Variants in ERCC8 observed in about 807,000 individuals in gnomAD.
ERCC8 encodes DNA excision repair protein ERCC-8.
A neutral mutation model predicts 54.9 loss-of-function variants in ERCC8; 52 were observed. The observed-to-expected ratio is 0.95, with a 90% CI of 0.76 to 1.19. ERCC8 has a LOEUF of 1.19. Ranked by LOEUF, ERCC8 falls within the 50% of genes most tolerant of loss-of-function variation. The pLI is 0.00. For synonymous variants in ERCC8, 146 were observed against 157.2 expected (o/e 0.93, Z 0.53); for missense variants, 514 against 466.1 (o/e 1.10, Z -0.95).
Position 60,892,734 on chromosome 5 carries a change from C to A in ERCC8, c.844-1648G>T, listed in dbSNP as rs1014849895. The A allele has an allele frequency of 1.0e-5, 7 of 697,092 alleles. No individual in the cohort carries two copies. In the African/African-American group the frequency reaches 1.1e-4, roughly 11 times the overall value. The allele number at this position is 697,092 out of a possible 1,614,324, so 43.2% of individuals were successfully genotyped here. A position where few individuals can be genotyped will look rare whatever the true frequency, so the allele number is the denominator to read the frequency against. On this transcript the variant is annotated intron_variant, in intron 9 of 11. Coordinates refer to ENST00000676185, the MANE Select transcript of ERCC8 (RefSeq NM_000082.4). ...ATGCAGGATGGTGCCCACCTCTGAG[C>A]TGGGCCCTGGAACAATGGCTGGAGC...
intron 11 of ERCC8, among the ~76,000 whole-genome samples, chr5:60,881,811 G>T (rs565227548): frequency 2.6e-5 from 4 of 152,246 alleles, no homozygotes; most frequent in African/African-American, 7.2e-5. Flanking sequence ...TGCTTCCCAG[G>T]TGAGGCGATG....
chr5:60,885,906 TA>T (rs1748377805), intron 11 of ERCC8, among the ~76,000 whole-genome samples: 1 of 152,152 alleles, frequency 6.6e-6, no homozygotes, highest in African/African-American at 2.4e-5. Flanking sequence ...AAACACAGTA[TA>T]TGAAAAATGT....
rs949309197 is a variant in ERCC8 at position 60,892,166 on chromosome 5, T to C, written c.844-1080A>G. 2.9e-5 allele frequency: 15 copies of C among 519,980 alleles called. No homozygotes were observed. In the Middle Eastern group the frequency reaches 1.5e-3, roughly 52 times the overall value. The allele number at this position is 519,980 out of a possible 1,614,324, so 32.2% of individuals were successfully genotyped here. A position where few individuals can be genotyped will look rare whatever the true frequency, so the allele number is the denominator to read the frequency against. On this transcript the variant is annotated intron_variant, in intron 9 of 11. Transcript: ENST00000676185. ...TTTTTTTTTAGGGTGGTGGTCTACA[T>C]TGAGTTTAGCCCACCCCATCTGATG...
intron 4 of ERCC8, among the ~76,000 whole-genome samples, chr5:60,912,414 A>G (rs533860337): frequency 6.6e-6 from 1 of 152,128 alleles, no homozygotes; most frequent in Admixed American, 6.5e-5. Flanking sequence ...GTATATAGGA[A>G]TGCTTGTGAT....
In ERCC8 at chr5:60,916,215, T is replaced by A. The variant is rs1036067812; in HGVS notation, c.399+2050A>T. On this transcript the variant is annotated intron_variant, in intron 4 of 11. Coordinates refer to ENST00000676185, the MANE Select transcript of ERCC8 (RefSeq NM_000082.4). Reference sequence around the variant, plus strand: ...TCTTTCTGTGATCTTGACCCTTTAATTTCTGGCTGTCTTGGCAGCCCACAT... The same window carrying A: ...TCTTTCTGTGATCTTGACCCTTTAAATTCTGGCTGTCTTGGCAGCCCACAT... 1.3e-5 allele frequency among the ~76,000 whole-genome samples: 2 copies of A among 152,206 alleles called. 1 individual carries two copies.
chr5:60,874,725 T>G (rs759251563), intron 11 of ERCC8, 42 bp from the exon 12 acceptor site: 5 of 1,521,726 alleles, frequency 3.3e-6, no homozygotes, highest in Middle Eastern at 2.1e-4. Flanking sequence ...ATTCTGTTTT[T>G]TCTACTTCAT....
At chr5:60,910,759 T>C (rs1250471995) in intron 4 of ERCC8, among the ~76,000 whole-genome samples, 1 of 152,138 alleles carries the variant, frequency 6.6e-6, no homozygotes, top group Non-Finnish European at 1.5e-5. Flanking sequence ...TTAATTCTAA[T>C]AATTTGGCTA....
intron 11 of ERCC8, 93 bp downstream of exon 11, chr5:60,887,347 G>T: frequency 3.6e-6 from 4 of 1,101,180 alleles, no homozygotes; most frequent in South Asian, 1.3e-5. Context: ...CCACTGGCAA[G>T]AAATGCTTTA....
rs1176400699 is a variant in ERCC8, at chr5:60,874,654, G to C, written c.1152C>G (p.Ala384=). 1 of 1,611,748 alleles carries C rather than the reference G, an allele frequency of 6.2e-7. No individual in the cohort carries two copies. The highest frequency in any genetic ancestry group is 1.1e-5 in the South Asian group (1 of 90,404). ...ETTTKSQLNP[A]FEDAWSSSDE... ...CACTGCTGCTCCAGGCATCTTCAAA[G>C]GCCGGATTTAATTGTGATTTTGTTG... The change falls in exon 12 of 12, where the codon GCC becomes GCG. Residue 384 remains alanine, a synonymous_variant. Coordinates refer to ENST00000676185, the MANE Select transcript of ERCC8 (RefSeq NM_000082.4).
At chr5:60,899,587 A>T in intron 8 of ERCC8, 40 bp downstream of exon 8, 1 of 1,438,192 alleles carries the variant, frequency 7.0e-7, no homozygotes, top group Non-Finnish European at 9.8e-7. Flanking sequence ...ATGTAAAAAA[A>T]TACTATCATT....
intron 11 of ERCC8, among the ~76,000 whole-genome samples, chr5:60,883,656 A>G (rs1748311545): frequency 6.6e-6 from 1 of 152,250 alleles, no homozygotes; most frequent in Non-Finnish European, 1.5e-5. Context: ...AAGTGATTAT[A>G]CATTGACACA....
intron 8 of ERCC8, among the ~76,000 whole-genome samples, chr5:60,898,795 GA>G (rs10691070): frequency 2.0e-5 from 3 of 147,242 alleles, no homozygotes; most frequent in Non-Finnish European, 4.5e-5. Context: ...GTTTTCCATT[GA>G]AAAAAAAAAC....
chr5:60,890,006 G>A (rs1748502536), intron 10 of ERCC8, among the ~76,000 whole-genome samples: 1 of 151,986 alleles, frequency 6.6e-6, no homozygotes, highest in Non-Finnish European at 1.5e-5. Flanking sequence ...GCTGGAGGTC[G>A]CTTGGGGGCT....
chr5:60,934,295 A>C (rs1750000318), intron 1 of ERCC8, among the ~76,000 whole-genome samples: 1 of 152,148 alleles, frequency 6.6e-6, no homozygotes, highest in South Asian at 2.1e-4. Context: ...GACTAAGGTA[A>C]TATCACATTG....
intron 9 of ERCC8, chr5:60,892,788 TA>T (rs950998040): frequency 2.0e-5 from 14 of 685,458 alleles, no homozygotes; most frequent in Non-Finnish European, 3.2e-5. Flanking sequence ...CTTGTCCAGG[TA>T]GACCTCCTGC....
intron 3 of ERCC8, among the ~76,000 whole-genome samples, chr5:60,921,238 A>T (rs543048581): frequency 6.6e-6 from 1 of 152,084 alleles, no homozygotes; most frequent in South Asian, 2.1e-4. Flanking sequence ...AAACAATAGC[A>T]AATCTCCTCC....
intron 2 of ERCC8, among the ~76,000 whole-genome samples, chr5:60,923,146 T>C (rs1381118507): frequency 6.6e-6 from 1 of 152,042 alleles, no homozygotes; most frequent in Non-Finnish European, 1.5e-5. Context: ...TAGCAGTATC[T>C]TTTTTTGGAA....
intron 2 of ERCC8, among the ~76,000 whole-genome samples, chr5:60,927,671 T>C (rs1273083074): frequency 1.3e-5 from 2 of 152,220 alleles, no homozygotes; most frequent in East Asian, 3.8e-4. Context: ...ATTACTTTCC[T>C]GACCAGCATC....
At chr5:60,914,487 T>G (rs977645811) in intron 4 of ERCC8, among the ~76,000 whole-genome samples, 19 of 151,944 alleles carry the variant, frequency 1.3e-4, no homozygotes, top group African/African-American at 4.6e-4. Context: ...TGTGTCAGTA[T>G]GCAGAGAATT....
Sources: gnomAD v4.1 joint callset for allele counts (sites outside exome capture counted in the v4.1 genomes callset) on GRCh38, gnomAD v4.1.1 for gene constraint, MANE v1.5 for transcripts, NCBI Gene and HGNC (gene_info 2026-07-23, HGNC 2026-07-21) for gene names.